The following SLC44A5 variants were observed in gnomAD, a reference collection of about 807,000 sequenced individuals.
SLC44A5 encodes choline transporter-like protein 5.
A neutral mutation model predicts 101.8 loss-of-function variants in SLC44A5; 57 were observed. The observed-to-expected ratio is 0.56, with a 90% CI of 0.45 to 0.70. The LOEUF (loss-of-function observed/expected upper bound fraction) is 0.70. Among genes scored for constraint, SLC44A5 ranks in the 30% least tolerant of loss-of-function variants. SLC44A5 has a pLI of 0.00. For missense variants in SLC44A5, 737 were observed against 853.1 expected (o/e 0.86, Z 1.70); for synonymous variants, 281 against 290.9 (o/e 0.97, Z 0.35).
intron 2 of SLC44A5, among the ~76,000 whole-genome samples, chr1:75,511,128 G>GCTCT (rs571779403): frequency 6.6e-4 from 100 of 152,248 alleles, no homozygotes; most frequent in African/African-American, 2.4e-3. Context: ...GGGCGACGGA[G>GCTCT]CGAGACTCCG....
chr1:75,480,958 C>T (rs533940409), intron 2 of SLC44A5, among the ~76,000 whole-genome samples: 15 of 152,186 alleles, frequency 9.9e-5, no homozygotes, highest in South Asian at 2.1e-4. Context: ...CAATCCTAAG[C>T]GAAAAGAACA....
Position 75,404,857 on chromosome 1 carries a change from C to A in SLC44A5, c.14-8236G>T, listed in dbSNP as rs1331602704. ...ATTCACACATAACAATATTAACCTT[C>A]AATGTAAATGAGTTAAATGCCCCAA... On this transcript the variant is annotated intron_variant, in intron 2 of 23. Transcript: ENST00000370859. Among the ~76,000 whole-genome samples, 6 of 152,136 alleles carry A rather than the reference C, an allele frequency of 3.9e-5. No individual in the cohort carries two copies. The East Asian group carries it at 7.7e-4, about 20-fold the overall frequency.
intron 1 of SLC44A5, among the ~76,000 whole-genome samples, chr1:75,549,739 G>A (rs144841725): frequency 6.6e-6 from 1 of 152,210 alleles, no homozygotes; most frequent in Non-Finnish European, 1.5e-5. Context: ...GTTTAGTCAG[G>A]GAAAAGTTTT....
At chr1:75,300,786 A>C in intron 4 of SLC44A5, 101 bp from the exon 5 acceptor site, 1 of 617,418 alleles carries the variant, frequency 1.6e-6, no homozygotes, top group Non-Finnish European at 2.5e-6. Flanking sequence ...TAATAGTGAG[A>C]TGTTATTTCA....
intron 1 of SLC44A5, among the ~76,000 whole-genome samples, chr1:75,590,598 T>C (rs1674292238): frequency 6.6e-6 from 1 of 152,088 alleles, no homozygotes; most frequent in Non-Finnish European, 1.5e-5. Context: ...AGTCTCAGGC[T>C]AAACAGCATT....
At chr1:75,544,749 T>G (rs1267342883) in intron 1 of SLC44A5, among the ~76,000 whole-genome samples, 1 of 152,246 alleles carries the variant, frequency 6.6e-6, no homozygotes, top group Admixed American at 6.5e-5. Flanking sequence ...CAGAATTTTT[T>G]TCTCTGATCC....
chr1:75,268,192 G>A (rs1651161321), intron 6 of SLC44A5, among the ~76,000 whole-genome samples: 2 of 152,086 alleles, frequency 1.3e-5, no homozygotes, highest in South Asian at 4.2e-4. Context: ...GTATCATAGG[G>A]TCACTCATGC....
At chr1:75,367,256 G>C (rs1659921562) in intron 3 of SLC44A5, among the ~76,000 whole-genome samples, 1 of 152,184 alleles carries the variant, frequency 6.6e-6, no homozygotes, top group East Asian at 1.9e-4. Context: ...GGTTGAAGCT[G>C]GGTCACATAG....
chr1:75,297,226 A>C lies in SLC44A5; in HGVS notation c.175+3386T>G, dbSNP rs551596014. On this transcript the variant is annotated intron_variant, in intron 5 of 23. Coordinates refer to ENST00000370859, the MANE Select transcript of SLC44A5 (RefSeq NM_001130058.2). Reference sequence around the variant, plus strand: ...CAAGCACTTCCTAAGTAAATACAGTAATGAACTAAATCACCCAAAGAGTAA... The same window carrying C: ...CAAGCACTTCCTAAGTAAATACAGTCATGAACTAAATCACCCAAAGAGTAA... Among the ~76,000 whole-genome samples, 10 of 152,372 alleles carry C rather than the reference A, an allele frequency of 6.6e-5. No homozygotes were observed. The South Asian group carries it at 2.1e-3, about 32-fold the overall frequency.
chr1:75,237,992 C>CA (rs1259917101), intron 10 of SLC44A5, among the ~76,000 whole-genome samples: 5 of 151,768 alleles, frequency 3.3e-5, no homozygotes, highest in Non-Finnish European at 7.4e-5. Context: ...CATGGAGCAC[C>CA]ATGTGTGTAG....
At chr1:75,557,139 A>T (rs1052363889) in intron 1 of SLC44A5, among the ~76,000 whole-genome samples, 1 of 152,114 alleles carries the variant, frequency 6.6e-6, no homozygotes. Flanking sequence ...TGCCATTGCT[A>T]CTAAGAGATG....
chr1:75,608,894 T>G (rs1183047368), intron 1 of SLC44A5, among the ~76,000 whole-genome samples: 1 of 151,744 alleles, frequency 6.6e-6, no homozygotes, highest in Non-Finnish European at 1.5e-5. Flanking sequence ...CTATGCTCAT[T>G]TTTTTTTCTT....
At chr1:75,677,010 C>T in the SLC44A5 span, among the ~76,000 whole-genome samples, 14,075 of 152,050 alleles carry the variant, frequency 0.093, 2,170 homozygotes, top group African/African-American at 0.32. Flanking sequence ...ACATTATATT[C>T]GGTGAACATG....
chr1:75,645,111 T>G, the SLC44A5 span, among the ~76,000 whole-genome samples: 25 of 152,264 alleles, frequency 1.6e-4, no homozygotes, highest in South Asian at 4.1e-4. Flanking sequence ...CTTTATAGCA[T>G]CATGATTTAT....
chr1:75,567,727 A>G (rs1015875400), intron 1 of SLC44A5, among the ~76,000 whole-genome samples: 2 of 152,186 alleles, frequency 1.3e-5, no homozygotes. Flanking sequence ...AAAGCAAGTA[A>G]TATGCTAGAA....
At chr1:75,290,046 A>G (rs1371966638) in intron 5 of SLC44A5, among the ~76,000 whole-genome samples, 1 of 152,218 alleles carries the variant, frequency 6.6e-6, no homozygotes, top group Non-Finnish European at 1.5e-5. Context: ...ATGATTTTGT[A>G]ATAAAGTAAC....
At chr1:75,504,823 A>G (rs933232619) in intron 2 of SLC44A5, among the ~76,000 whole-genome samples, 2 of 152,090 alleles carry the variant, frequency 1.3e-5, no homozygotes, top group South Asian at 4.1e-4. Flanking sequence ...GTCAGTGTAA[A>G]TAATTATTTC....
At chr1:75,534,841 G>A (rs1381251403) in intron 2 of SLC44A5, among the ~76,000 whole-genome samples, 2 of 152,144 alleles carry the variant, frequency 1.3e-5, no homozygotes, top group Non-Finnish European at 2.9e-5. Flanking sequence ...AGAAAAAGAG[G>A]TGAGAGAGAG....
chr1:75,466,002 G>A (rs1022575203), intron 2 of SLC44A5, among the ~76,000 whole-genome samples: 8 of 152,118 alleles, frequency 5.3e-5, no homozygotes, highest in Admixed American at 3.3e-4. Flanking sequence ...TAGAGGATGA[G>A]AGCATACTTC....
Sources: gnomAD v4.1 joint callset for allele counts (sites outside exome capture counted in the v4.1 genomes callset) on GRCh38, gnomAD v4.1.1 for gene constraint, MANE v1.5 for transcripts, NCBI Gene and HGNC (gene_info 2026-07-23, HGNC 2026-07-21) for gene names.